Variants in INSC observed in about 807,000 individuals in gnomAD.
The protein encoded by INSC is protein inscuteable homolog.
A neutral mutation model predicts 58.6 loss-of-function variants in INSC; 67 were observed. The ratio of observed to expected loss-of-function variants is 1.14; its 90% CI spans 0.94 to 1.40. The LOEUF (loss-of-function observed/expected upper bound fraction) is 1.40, where lower values mean the gene tolerates loss of function less well. Among genes scored for constraint, INSC ranks in the 40% most tolerant of loss-of-function variants. The pLI is 0.00. For missense variants in INSC, 714 were observed against 692.0 expected (o/e 1.03, Z -0.36); for synonymous variants, 262 against 276.1 (o/e 0.95, Z 0.51).
At chr11:15,254,083 G>T in the INSC span, among the ~76,000 whole-genome samples, 1 of 152,128 alleles carries the variant, frequency 6.6e-6, no homozygotes, top group Non-Finnish European at 1.5e-5. Context: ...TTTACCAAGT[G>T]TTACCTCTCA....
intron 9 of INSC, among the ~76,000 whole-genome samples, chr11:15,229,991 ATATATATAT>A (rs1851834609): frequency 3.5e-5 from 1 of 28,494 alleles, no homozygotes; most frequent in East Asian, 2.3e-3. Flanking sequence ...ATATATATAT[ATATATATAT>A]ATATATATAT....
chr11:15,209,373 C>G (rs1008189152), intron 7 of INSC, among the ~76,000 whole-genome samples: 2 of 152,190 alleles, frequency 1.3e-5, no homozygotes, highest in Admixed American at 1.3e-4. Flanking sequence ...CCCCTTCCCA[C>G]CAAATTTCTC....
At chr11:15,250,089 A>G (rs111646495), downstream of INSC, among the ~76,000 whole-genome samples, 5 of 152,346 alleles carry the variant, frequency 3.3e-5, no homozygotes, top group African/African-American at 7.2e-5. Context: ...CAGGTTGAGT[A>G]GAGTCTACAT....
At chr11:15,248,579 C>T (rs1167036694), downstream of INSC, among the ~76,000 whole-genome samples, 1 of 152,078 alleles carries the variant, frequency 6.6e-6, no homozygotes, top group African/African-American at 2.4e-5. Context: ...GATTTTTCCC[C>T]AAAGCATACA....
intron 10 of INSC, among the ~76,000 whole-genome samples, chr11:15,236,261 T>C (rs1852125781): frequency 6.7e-6 from 1 of 148,212 alleles, no homozygotes; most frequent in South Asian, 2.1e-4. Flanking sequence ...CCGGGGAAAA[T>C]GAAGCAGGGA....
intron 7 of INSC, among the ~76,000 whole-genome samples, chr11:15,207,409 G>C (rs1438239231): frequency 6.6e-6 from 1 of 152,184 alleles, no homozygotes; most frequent in Non-Finnish European, 1.5e-5. Context: ...GGGGAGAGCG[G>C]GGAGGACGGC....
At chr11:15,264,058 G>T in the INSC span, among the ~76,000 whole-genome samples, 6 of 148,954 alleles carry the variant, frequency 4.0e-5, no homozygotes, top group African/African-American at 7.5e-5. Context: ...CCTTTAGTTA[G>T]ATTGGACCCA....
the INSC span, among the ~76,000 whole-genome samples, chr11:15,266,672 G>A: frequency 2.0e-5 from 3 of 152,006 alleles, no homozygotes; most frequent in Non-Finnish European, 4.4e-5. Flanking sequence ...GGTGAGCAAT[G>A]AAATGCTCCA....
chr11:15,119,247 G>T (rs1003452447), intron 1 of INSC, among the ~76,000 whole-genome samples: 2 of 152,200 alleles, frequency 1.3e-5, no homozygotes, highest in Non-Finnish European at 2.9e-5. Context: ...GGATTGAAGG[G>T]GTGGGAAAGG....
At position 15,175,829 on chromosome 11, in the gene INSC, G is replaced by C; in HGVS notation, c.145G>C (p.Ala49Pro). ...TECECMCVLQ[A>P]KPISLEEDAQ... is the part of the protein sequence containing the mutation. ...GTGCGAGTGCATGTGTGTCCTGCAG[G>C]CCAAGCCCATCAGCCTGGAAGAGGA... is the stretch of plus-strand genomic sequence containing the variant. Residue 49 changes from alanine to proline, a missense_variant, in exon 3 of 13, where the codon GCC becomes CCC. Physicochemically the swap from Ala to Pro is conservative, Grantham distance 27 (BLOSUM62 -1). Coordinates refer to ENST00000379556, the MANE Select transcript of INSC (RefSeq NM_001042536.3). The C allele has an allele frequency of 6.2e-7, 1 of 1,611,874 alleles. No homozygotes were observed. Among genetic ancestry groups the C allele is most frequent in the Non-Finnish European group, 8.5e-7 (1 of 1,178,194 alleles).
intron 2 of INSC, among the ~76,000 whole-genome samples, chr11:15,170,837 A>G (rs1412389727): frequency 6.6e-6 from 1 of 152,172 alleles, no homozygotes; most frequent in Non-Finnish European, 1.5e-5. Context: ...CATCCAGATA[A>G]TATAGACAGG....
At chr11:15,258,927 CAA>C in the INSC span, among the ~76,000 whole-genome samples, 1 of 152,050 alleles carries the variant, frequency 6.6e-6, no homozygotes. Context: ...TGTCAAATTC[CAA>C]AGAGAGAGGA....
At chr11:15,161,046 A>G (rs188544809) in intron 2 of INSC, among the ~76,000 whole-genome samples, 10 of 152,352 alleles carry the variant, frequency 6.6e-5, no homozygotes, top group African/African-American at 2.4e-4. Context: ...TTTCTTTCAT[A>G]GTGTGCTTGG....
intron 8 of INSC, among the ~76,000 whole-genome samples, chr11:15,222,571 T>C (rs558163737): frequency 1.3e-5 from 2 of 152,198 alleles, no homozygotes; most frequent in Non-Finnish European, 2.9e-5. Context: ...CCTGCGCCGG[T>C]ACTGTGTGAG....
intron 2 of INSC, among the ~76,000 whole-genome samples, chr11:15,169,204 G>A (rs1053535322): frequency 5.6e-5 from 8 of 143,952 alleles, no homozygotes; most frequent in East Asian, 2.1e-4. Flanking sequence ...GAGGGTTCCC[G>A]ATGTAGCTAG....
chr11:15,261,341 T>C, the INSC span, among the ~76,000 whole-genome samples: 6 of 152,328 alleles, frequency 3.9e-5, no homozygotes, highest in East Asian at 5.8e-4. Flanking sequence ...TGCTAGTTTA[T>C]AACACTTTCT....
At chr11:15,161,355 A>G (rs781562459) in intron 2 of INSC, among the ~76,000 whole-genome samples, 4 of 152,262 alleles carry the variant, frequency 2.6e-5, no homozygotes, top group Non-Finnish European at 5.9e-5. Context: ...TCAGAAAATG[A>G]TATGGAACAC....
the INSC span, among the ~76,000 whole-genome samples, chr11:15,266,724 T>G: frequency 0.028 from 4,242 of 152,124 alleles, 96 homozygotes; most frequent in Non-Finnish European, 0.04. Context: ...GCTTTCATCA[T>G]AAAGTGGAAA....
intron 1 of INSC, among the ~76,000 whole-genome samples, chr11:15,148,915 A>G (rs1480440963): frequency 2.0e-5 from 3 of 152,238 alleles, no homozygotes; most frequent in Non-Finnish European, 4.4e-5. Context: ...TTTTAGAGAT[A>G]TAAAGTGGGC....
Sources: allele counts gnomAD v4.1 joint callset (sites outside exome capture counted in the v4.1 genomes callset), GRCh38; gene constraint gnomAD v4.1.1; transcripts MANE v1.5; gene names NCBI Gene and HGNC (gene_info 2026-07-23, HGNC 2026-07-21).